Variants in EGLN1 observed in about 807,000 individuals in gnomAD.
EGLN1 encodes egl-9 family hypoxia inducible factor 1, also known as egl nine homolog 1.
Under a neutral mutation model 38.3 loss-of-function variants are expected in EGLN1, and 17 were observed. The observed-to-expected ratio is 0.44, with a 90% CI of 0.30 to 0.67. The LOEUF (loss-of-function observed/expected upper bound fraction) is 0.67, where lower values mean the gene tolerates loss of function less well. Ranked by LOEUF, EGLN1 falls within the 30% of genes least tolerant of loss-of-function variation. The probability of loss-of-function intolerance (pLI) is 0.08; values close to 1 mark genes in which losing one functional copy is unlikely to be tolerated. For synonymous variants in EGLN1, 283 were observed against 257.5 expected (o/e 1.10, Z -0.95); for missense variants, 477 against 603.3 (o/e 0.79, Z 2.19).
rs199793817 is a variant in EGLN1, at chr1:231,410,658, AC to A, written c.891+10339del. Among the ~76,000 whole-genome samples, 1,107 of 152,228 alleles carry A rather than the reference AC, an allele frequency of 7.3e-3. 6 individuals carry two copies. Among genetic ancestry groups the A allele is most frequent in the South Asian group, 0.011 (51 of 4,822 alleles). On this transcript the variant is annotated intron_variant, in intron 1 of 4. Coordinates refer to ENST00000366641, the MANE Select transcript of EGLN1 (RefSeq NM_022051.3). ...GTTCCTTCTACATACACATCTTCTG[AC>A]AGTCATGAACAGAAAGTGAACTGAA...
At chr1:231,372,637 T>C (rs1218820404) in intron 2 of EGLN1, among the ~76,000 whole-genome samples, 1 of 152,194 alleles carries the variant, frequency 6.6e-6, no homozygotes, top group African/African-American at 2.4e-5. Context: ...ACTTCAAACT[T>C]TGAAAGCTGT....
intron 3 of EGLN1, among the ~76,000 whole-genome samples, chr1:231,369,214 C>G (rs1376948695): frequency 6.6e-6 from 1 of 152,160 alleles, no homozygotes; most frequent in East Asian, 1.9e-4. Context: ...CTCTCCTCAC[C>G]TAGGCCAGCT....
In EGLN1 at chr1:231,374,059, A is replaced by T. The variant is rs770288705; in HGVS notation, c.932T>A (p.Val311Glu). 1 of 1,613,612 alleles carries T rather than the reference A, an allele frequency of 6.2e-7. No individual in the cohort carries two copies. ...ACYPGNGTGY[V>E]RHVDNPNGDG... ...TCCATTTGGATTATCAACATGACGT[A>T]CATAACCCGTTCCATTGCCCGGATA... The change falls in exon 2 of 5, where the codon GTA becomes GAA. Residue 311 changes from valine (V) to glutamate (E), a missense_variant. This residue lies in a region of EGLN1 where 119 missense variants were observed against 179.0 expected (regional missense o/e 0.66). Transcript: ENST00000366641.
intron 1 of EGLN1, among the ~76,000 whole-genome samples, chr1:231,400,689 T>C (rs1688645159): frequency 6.6e-6 from 1 of 152,168 alleles, no homozygotes; most frequent in South Asian, 2.1e-4. Flanking sequence ...ATTCCAATGG[T>C]GCATTTCTGA....
At chr1:231,414,732 A>ATTT (rs1689033190) in intron 1 of EGLN1, among the ~76,000 whole-genome samples, 2 of 102,754 alleles carry the variant, frequency 1.9e-5, no homozygotes, top group Non-Finnish European at 1.9e-5. Context: ...TAATCCCAGC[A>ATTT]CTTTTTTTTT....
chr1:231,416,436 AT>A (rs34818710), intron 1 of EGLN1, among the ~76,000 whole-genome samples: 2,909 of 141,836 alleles, frequency 0.021, 92 homozygotes, highest in East Asian at 0.16. Context: ...CAAAAAAAAA[AT>A]TTTTTTTTTT....
chr1:231,384,654 T>C (rs551120261), intron 1 of EGLN1, among the ~76,000 whole-genome samples: 52 of 152,000 alleles, frequency 3.4e-4, no homozygotes, highest in African/African-American at 1.2e-3. Flanking sequence ...AGGTAAGGGG[T>C]TGGGGACGCA....
Position 231,365,148 on chromosome 1 carries a change from AATGTGT to A in EGLN1, c.*1257_*1262del, listed in dbSNP as rs2102887511. ...GTCAGTAACACCACACTTCAGTTTC[AATGTGT>A]ACATAATCTCCCCTTGATGCTCTTC... is the stretch of plus-strand genomic sequence containing the variant. On this transcript the variant is annotated 3_prime_UTR_variant, in exon 5 of 5. Coordinates refer to ENST00000366641, the MANE Select transcript of EGLN1 (RefSeq NM_022051.3). The A allele has an allele frequency of 6.6e-6, 1 of 152,330 alleles. No homozygotes were observed. Among genetic ancestry groups the A allele is most frequent in the East Asian group, 1.9e-4 (1 of 5,186 alleles). The allele number at this position is 152,330 out of a possible 1,614,324, so 9.4% of individuals were successfully genotyped here.
intron 1 of EGLN1, among the ~76,000 whole-genome samples, chr1:231,402,806 T>C (rs1688695403): frequency 6.6e-6 from 1 of 152,034 alleles, no homozygotes; most frequent in South Asian, 2.1e-4. Context: ...AGGGTCAAGG[T>C]TTATTTTTTC....
At chr1:231,410,506 G>C (rs1435474925) in intron 1 of EGLN1, among the ~76,000 whole-genome samples, 1 of 152,158 alleles carries the variant, frequency 6.6e-6, no homozygotes, top group African/African-American at 2.4e-5. Context: ...CCAATTCCTT[G>C]TCTACAGAAA....
At chr1:231,407,758 G>C (rs1369444433) in intron 1 of EGLN1, among the ~76,000 whole-genome samples, 2 of 152,034 alleles carry the variant, frequency 1.3e-5, no homozygotes, top group Non-Finnish European at 2.9e-5. Flanking sequence ...TTCACCTTTA[G>C]AGCAAACCTT....
intron 2 of EGLN1, among the ~76,000 whole-genome samples, chr1:231,373,304 T>C (rs533609325): frequency 2.0e-5 from 3 of 152,180 alleles, no homozygotes; most frequent in Admixed American, 2.0e-4. Flanking sequence ...AAGAATAACA[T>C]AGCAAATAAT....
At chr1:231,379,664 C>T (rs1481629828) in intron 1 of EGLN1, among the ~76,000 whole-genome samples, 2 of 152,148 alleles carry the variant, frequency 1.3e-5, no homozygotes, top group Non-Finnish European at 2.9e-5. Context: ...ACTAAGATAA[C>T]AGATACGTCA....
chr1:231,421,851 G>A lies in EGLN1; in HGVS notation c.38C>T (p.Pro13Leu), dbSNP rs1394788474. ...NDSGGPGGPS[P>L]SERDRQYCEL... The stretch of plus-strand genomic sequence containing the variant: ...GCAGTACTGCCGGTCTCGCTCGCTC[G>A]GGCTCGGCCCGCCGGGCCCGCCGCT... The change falls in exon 1 of 5, where the codon CCG (proline) becomes CTG (leucine). Residue 13 changes from proline to leucine, a missense_variant. Physicochemically the swap from Pro to Leu is moderately conservative, Grantham distance 98. Around this residue, in one of 4 missense-constraint regions of EGLN1, gnomAD observed 298 missense variants for 288.9 expected, o/e 1.03. Coordinates refer to ENST00000366641, the MANE Select transcript of EGLN1 (RefSeq NM_022051.3). This position sits in a 1 kb window ranked among gnomAD's most constrained non-coding sequence, Gnocchi z 5.5. The A allele has an allele frequency of 4.0e-6, 6 of 1,495,474 alleles. No individual in the cohort carries two copies. Among genetic ancestry groups the A allele is most frequent in the Non-Finnish European group, 5.3e-6 (6 of 1,131,286 alleles). The allele number at this position is 1,495,474 out of a possible 1,614,324, so 92.6% of individuals were successfully genotyped here.
intron 1 of EGLN1, among the ~76,000 whole-genome samples, chr1:231,419,893 C>T (rs559200007): frequency 2.4e-4 from 36 of 152,308 alleles, no homozygotes; most frequent in African/African-American, 8.7e-4. Flanking sequence ...TAGTTAGAGT[C>T]AGCGTGTGTG....
intron 1 of EGLN1, among the ~76,000 whole-genome samples, chr1:231,381,650 T>G (rs987283226): frequency 1.3e-5 from 2 of 152,252 alleles, no homozygotes; most frequent in African/African-American, 4.8e-5. Flanking sequence ...TAGTACTCTC[T>G]GAGCTTTCAT....
At chr1:231,418,624 G>A (rs1300995263) in intron 1 of EGLN1, among the ~76,000 whole-genome samples, 1 of 152,140 alleles carries the variant, frequency 6.6e-6, no homozygotes, top group Non-Finnish European at 1.5e-5. Context: ...AGTACTTTGG[G>A]AGGACAAGGC....
chr1:231,384,686 A>G (rs1391413811), intron 1 of EGLN1, among the ~76,000 whole-genome samples: 1 of 152,108 alleles, frequency 6.6e-6, no homozygotes. Flanking sequence ...GTTTTAGAGA[A>G]CACTATAAAG....
chr1:231,379,200 A>C (rs1688024958), intron 1 of EGLN1, among the ~76,000 whole-genome samples: 1 of 152,186 alleles, frequency 6.6e-6, no homozygotes, highest in South Asian at 2.1e-4. Flanking sequence ...TAGTCCACCC[A>C]AGAGTTCAGA....
Sources: gnomAD v4.1 joint callset for allele counts (sites outside exome capture counted in the v4.1 genomes callset) on GRCh38, gnomAD v4.1.1 for gene constraint, gnomAD v4.1.1 regional missense constraint, Gnocchi (gnomAD v3.1) non-coding constraint, MANE v1.5 for transcripts, NCBI Gene and HGNC (gene_info 2026-07-23, HGNC 2026-07-21) for gene names.